SLC35F4: variants seen among roughly 807,000 people sequenced by gnomAD.
SLC35F4 encodes the protein solute carrier family 35 member F4.
SLC35F4 carries 24 observed loss-of-function variants against 44.2 expected under a neutral mutation model. That is an observed-to-expected ratio of 0.54 (90% CI 0.39 to 0.76). SLC35F4 has a LOEUF of 0.76. SLC35F4 is among the 30% of genes least tolerant of loss of function. The probability of loss-of-function intolerance (pLI) is 0.00; values close to 1 mark genes in which losing one functional copy is unlikely to be tolerated. For missense variants in SLC35F4, 562 were observed against 586.1 expected (o/e 0.96, Z 0.42); for synonymous variants, 238 against 223.6 (o/e 1.06, Z -0.57).
chr14:57,686,220 A>G (rs905305960), intron 1 of SLC35F4, among the ~76,000 whole-genome samples: 1 of 152,182 alleles, frequency 6.6e-6, no homozygotes, highest in African/African-American at 2.4e-5. Flanking sequence ...CTATTAAGAG[A>G]TGAAAATAGT....
chr14:57,785,486 G>A (rs1859410777), intron 1 of SLC35F4, among the ~76,000 whole-genome samples: 1 of 152,116 alleles, frequency 6.6e-6, no homozygotes, highest in Non-Finnish European at 1.5e-5. Flanking sequence ...GTGAATTTTA[G>A]CTCCAGATAA....
chr14:57,875,429 C>T (rs1368812497), intron 1 of SLC35F4, among the ~76,000 whole-genome samples: 1 of 152,226 alleles, frequency 6.6e-6, no homozygotes, highest in Non-Finnish European at 1.5e-5. Context: ...CTTAAAATAA[C>T]AACCATTTAT....
intron 1 of SLC35F4, among the ~76,000 whole-genome samples, chr14:57,776,665 C>CAAAAAAAAAAAAAAAAAAAAA (rs57272978): frequency 1.4e-5 from 1 of 72,072 alleles, no homozygotes; most frequent in African/African-American, 4.6e-5. Context: ...GACTCCATCT[C>CAAAAAAAAAAAAAAAAAAAAA]AAAAAAAAAA....
chr14:57,888,092 T>A (rs1595269445), intron 1 of SLC35F4, among the ~76,000 whole-genome samples: 6 of 152,208 alleles, frequency 3.9e-5, no homozygotes, highest in Non-Finnish European at 7.3e-5. Context: ...CTCTGCTTCA[T>A]TAACTCCACT....
chr14:57,728,254 A>C (rs937919416), intron 1 of SLC35F4, among the ~76,000 whole-genome samples: 3 of 151,116 alleles, frequency 2.0e-5, no homozygotes, highest in Non-Finnish European at 4.4e-5. Flanking sequence ...TCATCCCTTT[A>C]TTTTCAGTCT....
At position 57,581,333 on chromosome 14, in the gene SLC35F4, A is replaced by G. The variant is rs1279881138; in HGVS notation, c.688T>C (p.Tyr230His). The G allele has an allele frequency of 6.2e-7, 1 of 1,613,682 alleles. No homozygotes were observed. The highest frequency in any genetic ancestry group is 1.7e-5 in the Admixed American group (1 of 59,944). ...GTCAGCTTCTTTAAAGCCAGTAAATAAAGGTAATTAGTCAAAGTCCATAGA... is the reference window on the plus strand; with the variant it reads ...GTCAGCTTCTTTAAAGCCAGTAAATGAAGGTAATTAGTCAAAGTCCATAGA... ...SILWTLTNYL[Y>H]LLALKKLTAT... Residue 230 changes from tyrosine (Y) to histidine (H), a missense_variant, in exon 4 of 8, where the codon TAT becomes CAT. Physicochemically the swap from Tyr to His is moderately conservative, Grantham distance 83. Coordinates refer to ENST00000556826, the MANE Select transcript of SLC35F4 (RefSeq NM_001306087.2).
chr14:57,812,048 T>G (rs915845728), intron 1 of SLC35F4, among the ~76,000 whole-genome samples: 10 of 152,186 alleles, frequency 6.6e-5, no homozygotes, highest in African/African-American at 2.4e-4. Context: ...AGAAATTCAT[T>G]TTTTAGAAGA....
At chr14:57,979,871 G>A (rs1337170469) in intron 1 of SLC35F4, among the ~76,000 whole-genome samples, 1 of 152,180 alleles carries the variant, frequency 6.6e-6, no homozygotes, top group African/African-American at 2.4e-5. Context: ...TCCACATTTA[G>A]CAATGGAAAT....
chr14:57,772,154 T>C (rs927125078), intron 1 of SLC35F4, among the ~76,000 whole-genome samples: 3 of 152,188 alleles, frequency 2.0e-5, no homozygotes, highest in African/African-American at 7.2e-5. Flanking sequence ...TTTAGCCACT[T>C]TTTCACTGTC....
chr14:57,825,624 T>C (rs528056463), intron 1 of SLC35F4, among the ~76,000 whole-genome samples: 2 of 152,138 alleles, frequency 1.3e-5, no homozygotes, highest in Non-Finnish European at 2.9e-5. Context: ...AACCCCATCA[T>C]CTCAGCCCAA....
chr14:57,571,126 T>C (rs2139699635), intron 5 of SLC35F4, among the ~76,000 whole-genome samples: 1 of 152,308 alleles, frequency 6.6e-6, no homozygotes, highest in South Asian at 2.1e-4. Flanking sequence ...TGTTTTCTCA[T>C]TGAAACACCA....
chr14:57,948,030 C>T (rs886772401), intron 1 of SLC35F4, among the ~76,000 whole-genome samples: 4 of 152,042 alleles, frequency 2.6e-5, no homozygotes, highest in Non-Finnish European at 4.4e-5. Context: ...TAGGGCGATA[C>T]TGGCTTTATG....
At chr14:57,909,312 C>T (rs533097305) in intron 1 of SLC35F4, among the ~76,000 whole-genome samples, 76 of 152,146 alleles carry the variant, frequency 5.0e-4, no homozygotes, top group African/African-American at 1.7e-3. Context: ...GTTTACATTA[C>T]GGCTCACTTT....
intron 6 of SLC35F4, 93 bp downstream of exon 6, chr14:57,569,695 G>A: frequency 7.6e-7 from 1 of 1,321,722 alleles, no homozygotes; most frequent in Non-Finnish European, 1.0e-6. Flanking sequence ...CTAGAGCACA[G>A]AGTTACCCAA....
chr14:57,977,700 C>A (rs1184103227), intron 1 of SLC35F4, among the ~76,000 whole-genome samples: 1 of 152,172 alleles, frequency 6.6e-6, no homozygotes, highest in African/African-American at 2.4e-5. Context: ...TGACATTTTT[C>A]CTCCAGTCGC....
chr14:57,612,833 C>A (rs1245981900), intron 1 of SLC35F4, among the ~76,000 whole-genome samples: 1 of 151,720 alleles, frequency 6.6e-6, no homozygotes, highest in East Asian at 1.9e-4. Context: ...GGACAAGGAC[C>A]AATTTTGAAT....
At chr14:57,759,268 T>C (rs1295107134) in intron 1 of SLC35F4, among the ~76,000 whole-genome samples, 1 of 152,172 alleles carries the variant, frequency 6.6e-6, no homozygotes. Flanking sequence ...TGCTGGATCA[T>C]ATGGTAGTTC....
chr14:57,717,339 T>C (rs932956135), intron 1 of SLC35F4, among the ~76,000 whole-genome samples: 1 of 152,168 alleles, frequency 6.6e-6, no homozygotes, highest in African/African-American at 2.4e-5. Context: ...CAACAGTGTA[T>C]AAGAGTTCTT....
chr14:57,620,143 C>T (rs780437869), intron 1 of SLC35F4, among the ~76,000 whole-genome samples: 164 of 152,190 alleles, frequency 1.1e-3, no homozygotes, highest in Middle Eastern at 3.4e-3. Flanking sequence ...GGAGAACTTC[C>T]CCAACCTAGC....
Sources: gnomAD v4.1 joint callset for allele counts (sites outside exome capture counted in the v4.1 genomes callset) on GRCh38, gnomAD v4.1.1 for gene constraint, MANE v1.5 for transcripts, NCBI Gene and HGNC (gene_info 2026-07-23, HGNC 2026-07-21) for gene names.